PRKAG2: variants seen among roughly 807,000 people sequenced by gnomAD.
PRKAG2 encodes protein kinase AMP-activated non-catalytic subunit gamma 2.
In PRKAG2, 26 loss-of-function variants were observed where a neutral mutation model predicts 69.6. The ratio of observed to expected loss-of-function variants is 0.37; its 90% confidence interval spans 0.27 to 0.52. PRKAG2 has a LOEUF of 0.52. Among genes scored for constraint, PRKAG2 ranks in the 20% least tolerant of loss-of-function variants. PRKAG2 has a pLI of 0.90. For missense variants in PRKAG2, 557 were observed against 740.0 expected (o/e 0.75, Z 2.87); for synonymous variants, 293 against 285.0 (o/e 1.03, Z -0.28).
chr7:151,729,033 C>T (rs529718667), intron 3 of PRKAG2, among the ~76,000 whole-genome samples: 79 of 152,016 alleles, frequency 5.2e-4, no homozygotes, highest in African/African-American at 1.7e-3. Flanking sequence ...CGGGAGTCCT[C>T]GGGGAGCAGC....
intron 1 of PRKAG2, among the ~76,000 whole-genome samples, chr7:151,873,984 T>C (rs1445352668): frequency 3.3e-5 from 5 of 150,180 alleles, no homozygotes; most frequent in African/African-American, 7.5e-5. Context: ...ATGATGTATA[T>C]GTATATGTAT....
intron 5 of PRKAG2, among the ~76,000 whole-genome samples, chr7:151,623,556 G>A (rs1247015052): frequency 6.6e-6 from 1 of 152,114 alleles, no homozygotes; most frequent in Non-Finnish European, 1.5e-5. Context: ...ATTCCTAACA[G>A]TAGTGGTCTG....
intron 1 of PRKAG2, among the ~76,000 whole-genome samples, chr7:151,793,319 G>A (rs376583404): frequency 3.3e-5 from 5 of 152,190 alleles, no homozygotes; most frequent in African/African-American, 7.2e-5. Flanking sequence ...CCTTCACAAC[G>A]CTATCTAGGT....
chr7:151,837,746 T>TAAGGGAA (rs1468766751), intron 1 of PRKAG2, among the ~76,000 whole-genome samples: 37 of 152,306 alleles, frequency 2.4e-4, no homozygotes, highest in Admixed American at 3.3e-4. Flanking sequence ...TATTAATCAC[T>TAAGGGAA]GTTTCTGGCT....
chr7:151,714,471 C>T (rs1795845090), intron 3 of PRKAG2, among the ~76,000 whole-genome samples: 1 of 138,828 alleles, frequency 7.2e-6, no homozygotes, highest in Admixed American at 7.7e-5. Flanking sequence ...CCACATGCCG[C>T]CATCCTCCCA....
chr7:151,708,710 G>T (rs772206628), intron 3 of PRKAG2, among the ~76,000 whole-genome samples: 3 of 152,228 alleles, frequency 2.0e-5, no homozygotes, highest in Non-Finnish European at 2.9e-5. Flanking sequence ...AAGGTAAAAT[G>T]TCCAGCAATT....
intron 3 of PRKAG2, among the ~76,000 whole-genome samples, chr7:151,702,855 T>C (rs1429813043): frequency 6.6e-6 from 1 of 152,034 alleles, no homozygotes; most frequent in Admixed American, 6.5e-5. Context: ...CTGGGAAGGG[T>C]CCAAGTTCAG....
chr7:151,696,625 G>T (rs1406118810), intron 3 of PRKAG2, among the ~76,000 whole-genome samples: 1 of 152,306 alleles, frequency 6.6e-6, no homozygotes, highest in Admixed American at 6.5e-5. Flanking sequence ...GAAGCCCCCC[G>T]CAACCTTCCA....
intron 4 of PRKAG2, among the ~76,000 whole-genome samples, chr7:151,653,365 T>C (rs1183056653): frequency 6.6e-6 from 1 of 152,142 alleles, no homozygotes; most frequent in Non-Finnish European, 1.5e-5. Context: ...CCCCTTTAGA[T>C]CGAAAACAGG....
At chr7:151,802,896 C>T (rs2077912132) in intron 1 of PRKAG2, among the ~76,000 whole-genome samples, 3 of 151,506 alleles carry the variant, frequency 2.0e-5, no homozygotes, top group Admixed American at 6.6e-5. Context: ...CTCAGGACTC[C>T]CACAAGGTTA....
intron 3 of PRKAG2, among the ~76,000 whole-genome samples, chr7:151,754,717 G>A (rs1320729457): frequency 2.3e-4 from 3 of 13,078 alleles, no homozygotes; most frequent in Admixed American, 7.5e-4. Flanking sequence ...AACCCCCTCC[G>A]CCGCACCTGA....
chr7:151,740,009 G>A (rs1280885422), intron 3 of PRKAG2, among the ~76,000 whole-genome samples: 7 of 152,100 alleles, frequency 4.6e-5, no homozygotes, highest in African/African-American at 9.7e-5. Flanking sequence ...AGAAGACTGG[G>A]AACCCCAAAA....
At chr7:151,862,375 G>A (rs771283329) in intron 1 of PRKAG2, among the ~76,000 whole-genome samples, 16 of 152,168 alleles carry the variant, frequency 1.1e-4, no homozygotes, top group Non-Finnish European at 1.9e-4. Context: ...GTCTGAAAAT[G>A]TTCTCTTTGA....
intron 5 of PRKAG2, among the ~76,000 whole-genome samples, chr7:151,607,321 AC>A (rs1817746285): frequency 6.6e-6 from 1 of 152,158 alleles, no homozygotes; most frequent in Non-Finnish European, 1.5e-5. Flanking sequence ...TCACTCTGCC[AC>A]CCAGGATGGA....
At chr7:151,776,944 C>T (rs111852903) in intron 3 of PRKAG2, among the ~76,000 whole-genome samples, 2,036 of 152,294 alleles carry the variant, frequency 0.013, 10 homozygotes, top group Middle Eastern at 0.034. Flanking sequence ...CCAGCCTCAT[C>T]CCCAGGACCC....
chr7:151,622,946 G>A (rs1821881517), intron 5 of PRKAG2, among the ~76,000 whole-genome samples: 1 of 152,092 alleles, frequency 6.6e-6, no homozygotes, highest in African/African-American at 2.4e-5. Context: ...GCCCTCTAAT[G>A]CAGTGGTCCC....
At chr7:151,661,972 A>T (rs957676757) in intron 4 of PRKAG2, among the ~76,000 whole-genome samples, 1 of 152,212 alleles carries the variant, frequency 6.6e-6, no homozygotes, top group Non-Finnish European at 1.5e-5. Flanking sequence ...AGGAATTCTC[A>T]TCTAAATGCA....
chr7:151,816,722 C>T (rs569173889), intron 1 of PRKAG2, among the ~76,000 whole-genome samples: 170 of 152,198 alleles, frequency 1.1e-3, no homozygotes, highest in Admixed American at 3.9e-3. Context: ...TGCAAGTGGT[C>T]GACCAGAGAT....
Position 151,632,103 on chromosome 7 carries a change from G to C in PRKAG2, c.720C>G (p.Ala240=), listed in dbSNP as rs752351250. 3 of 1,415,686 alleles carry C rather than the reference G, an allele frequency of 2.1e-6. No individual in the cohort carries two copies. The highest frequency in any genetic ancestry group is 2.7e-5 in the South Asian group (2 of 73,492). The allele number at this position is 1,415,686 out of a possible 1,614,324, so 87.7% of individuals were successfully genotyped here. A position where few individuals can be genotyped will look rare whatever the true frequency, so the allele number is the denominator to read the frequency against. The part of the protein sequence containing the change: ...ALAAALGPAE[A]GMLEKLEFED... ...CGAACTCCAGCTTCTCCAGCATGCC[G>C]GCTTCCGCGGGTCCCAGGGCCGCCG... Residue 240 remains alanine (A), a synonymous_variant, in exon 5 of 16, where the codon GCC becomes GCG. Transcript: ENST00000287878. The surrounding 1 kb of genome is among the most constrained non-coding windows in gnomAD (Gnocchi z 4.2).
Sources: gnomAD v4.1 joint callset for allele counts (sites outside exome capture counted in the v4.1 genomes callset) on GRCh38, gnomAD v4.1.1 for gene constraint, Gnocchi (gnomAD v3.1) non-coding constraint, MANE v1.5 for transcripts, NCBI Gene and HGNC (gene_info 2026-07-23, HGNC 2026-07-21) for gene names.